Variants in NCKAP5 observed in about 807,000 individuals in gnomAD.
NCKAP5 encodes NCK associated protein 5.
NCKAP5 carries 92 observed loss-of-function variants against 167.0 expected under a neutral mutation model. The observed-to-expected ratio is 0.55, with a 90% CI of 0.47 to 0.66. The LOEUF (loss-of-function observed/expected upper bound fraction) is 0.66, where lower values mean the gene tolerates loss of function less well. Among genes scored for constraint, NCKAP5 ranks in the 30% least tolerant of loss-of-function variants. NCKAP5 has a pLI of 0.00. For synonymous variants in NCKAP5, 891 were observed against 877.4 expected (o/e 1.02, Z -0.27); for missense variants, 2,378 against 2,315.0 (o/e 1.03, Z -0.56).
At chr2:132,973,516 G>A (rs1050498751) in intron 7 of NCKAP5, among the ~76,000 whole-genome samples, 5 of 151,926 alleles carry the variant, frequency 3.3e-5, no homozygotes, top group Non-Finnish European at 7.4e-5. Flanking sequence ...TCACTCAAAG[G>A]TCTCTTCTCA....
intron 3 of NCKAP5, among the ~76,000 whole-genome samples, chr2:133,384,901 G>C (rs35892150): frequency 0.3 from 44,890 of 152,040 alleles, 7,282 homozygotes; most frequent in African/African-American, 0.43. Flanking sequence ...GATTTTGTAT[G>C]CTGAGACTTT....
rs1244788272 is a variant in NCKAP5 at position 133,491,042 on chromosome 2, G to A, written c.69+26416C>T. ...AACAGGAGAAGAAAAGAATTTGGAT[G>A]TAAGAGACAGAGAAGATGAGAAATT... On this transcript the variant is annotated intron_variant, in intron 3 of 19. Transcript: ENST00000409261. Among the ~76,000 whole-genome samples the A allele has an allele frequency of 5.3e-5, 8 of 152,204 alleles. No individual in the cohort carries two copies. In the South Asian group the frequency reaches 1.7e-3, roughly 32 times the overall value.
intron 3 of NCKAP5, among the ~76,000 whole-genome samples, chr2:133,429,079 C>T (rs1032094693): frequency 3.3e-5 from 5 of 152,116 alleles, no homozygotes; most frequent in African/African-American, 1.2e-4. Context: ...ACGGTTATAA[C>T]AGCACAACAC....
chr2:133,650,745 G>C, the NCKAP5 span, among the ~76,000 whole-genome samples: 1 of 152,066 alleles, frequency 6.6e-6, no homozygotes, highest in African/African-American at 2.4e-5. Flanking sequence ...AGCCACACGT[G>C]GTGGTGGGCG....
intron 11 of NCKAP5, among the ~76,000 whole-genome samples, chr2:132,849,696 G>T (rs1486278378): frequency 6.6e-6 from 1 of 152,146 alleles, no homozygotes; most frequent in Non-Finnish European, 1.5e-5. Flanking sequence ...TCAGCATGTG[G>T]TGCAGAGGGG....
At chr2:133,135,814 A>G (rs868297807) in intron 5 of NCKAP5, among the ~76,000 whole-genome samples, 86 of 152,220 alleles carry the variant, frequency 5.6e-4, no homozygotes, top group African/African-American at 2.0e-3. Flanking sequence ...GAAATAATGT[A>G]TGGTAAGGCA....
intron 3 of NCKAP5, among the ~76,000 whole-genome samples, chr2:133,311,834 G>T (rs990823624): frequency 6.6e-6 from 1 of 152,168 alleles, no homozygotes; most frequent in Non-Finnish European, 1.5e-5. Flanking sequence ...GCCAGAAACT[G>T]GGAAGCAGAG....
chr2:132,798,258 A>C (rs1165938812), intron 11 of NCKAP5, among the ~76,000 whole-genome samples: 1 of 152,148 alleles, frequency 6.6e-6, no homozygotes, highest in East Asian at 1.9e-4. Context: ...AATTTATCTC[A>C]TCTTGCAATC....
intron 8 of NCKAP5, among the ~76,000 whole-genome samples, chr2:132,887,552 C>T (rs116543048): frequency 0.027 from 4,092 of 152,252 alleles, 176 homozygotes; most frequent in African/African-American, 0.092. Flanking sequence ...CTCCACAGCG[C>T]ACACCATCTC....
At chr2:132,839,810 T>C (rs1688170093) in intron 11 of NCKAP5, among the ~76,000 whole-genome samples, 1 of 150,358 alleles carries the variant, frequency 6.7e-6, no homozygotes, top group Non-Finnish European at 1.5e-5. Context: ...AGCCTACTGT[T>C]GACCAAAAGC....
intron 2 of NCKAP5, among the ~76,000 whole-genome samples, chr2:133,555,319 C>T (rs1687662185): frequency 1.3e-5 from 2 of 152,320 alleles, no homozygotes; most frequent in South Asian, 4.1e-4. Context: ...TGTGTAATTG[C>T]TCTGGCTTAA....
At chr2:133,456,417 T>C (rs1691864238) in intron 3 of NCKAP5, among the ~76,000 whole-genome samples, 1 of 152,122 alleles carries the variant, frequency 6.6e-6, no homozygotes, top group South Asian at 2.1e-4. Flanking sequence ...TCAGTCATAT[T>C]GTGACCTGAA....
intron 8 of NCKAP5, among the ~76,000 whole-genome samples, chr2:132,879,626 T>C (rs1185798120): frequency 3.3e-5 from 5 of 152,204 alleles, no homozygotes; most frequent in African/African-American, 4.8e-5. Flanking sequence ...CCACCTCAGG[T>C]GACCTGGTTC....
At chr2:133,354,883 G>T (rs1326014221) in intron 3 of NCKAP5, among the ~76,000 whole-genome samples, 1 of 152,088 alleles carries the variant, frequency 6.6e-6, no homozygotes, top group East Asian at 1.9e-4. Context: ...TCATTAACTA[G>T]ATATATTCTG....
At chr2:133,418,334 T>A (rs1383270150) in intron 3 of NCKAP5, among the ~76,000 whole-genome samples, 1 of 152,160 alleles carries the variant, frequency 6.6e-6, no homozygotes, top group African/African-American at 2.4e-5. Context: ...TTTCCTTAAC[T>A]GTCAAACAGA....
intron 3 of NCKAP5, among the ~76,000 whole-genome samples, chr2:133,447,967 C>T (rs1691309671): frequency 3.3e-5 from 5 of 152,176 alleles, no homozygotes. Flanking sequence ...CTCTACAGCT[C>T]TAAGCTCACT....
At chr2:132,875,199 T>A (rs1253004079) in intron 9 of NCKAP5, among the ~76,000 whole-genome samples, 1 of 152,104 alleles carries the variant, frequency 6.6e-6, no homozygotes, top group Non-Finnish European at 1.5e-5. Context: ...CAGATGGGAA[T>A]CTCTGAGGTG....
At chr2:133,569,376 C>T (rs148404383), upstream of NCKAP5, among the ~76,000 whole-genome samples, 76 of 152,256 alleles carry the variant, frequency 5.0e-4, 1 homozygote, top group East Asian at 0.01. Flanking sequence ...TCCTTCCTTC[C>T]TCTGGACTGC....
intron 6 of NCKAP5, among the ~76,000 whole-genome samples, chr2:133,056,745 G>A (rs1046614279): frequency 1.5e-4 from 23 of 152,112 alleles, no homozygotes; most frequent in Non-Finnish European, 2.4e-4. Context: ...GTGCACATTT[G>A]ATACCGTCAT....
Sources: gnomAD v4.1 joint callset for allele counts (sites outside exome capture counted in the v4.1 genomes callset) on GRCh38, gnomAD v4.1.1 for gene constraint, MANE v1.5 for transcripts, NCBI Gene and HGNC (gene_info 2026-07-23, HGNC 2026-07-21) for gene names.